The following CPLX2 variants were observed in gnomAD, a reference collection of about 807,000 sequenced individuals.
The protein encoded by CPLX2 is complexin-2.
Under a neutral mutation model 16.3 loss-of-function variants are expected in CPLX2, and 5 were observed. The observed-to-expected ratio is 0.31, with a 90% CI of 0.16 to 0.64. The LOEUF (loss-of-function observed/expected upper bound fraction) is 0.64, where lower values mean the gene tolerates loss of function less well. CPLX2 is among the 30% of genes least tolerant of loss of function. The pLI is 0.79. For missense variants in CPLX2, 144 were observed against 181.4 expected (o/e 0.79, Z 1.18); for synonymous variants, 89 against 73.2 (o/e 1.22, Z -1.10).
At chr5:175,807,606 T>C (rs1758232244) in intron 1 of CPLX2, among the ~76,000 whole-genome samples, 1 of 152,240 alleles carries the variant, frequency 6.6e-6, no homozygotes, top group East Asian at 1.9e-4. Context: ...GTCAGCTCCC[T>C]GAGAGCAGGG....
intron 2 of CPLX2, chr5:175,861,888 G>C (rs956680610): frequency 2.0e-5 from 3 of 152,224 alleles, no homozygotes; most frequent in Admixed American, 6.5e-5. Context: ...CTGAGTAACA[G>C]TCATAAAGGA....
At chr5:175,802,736 G>A (rs1758122761) in intron 1 of CPLX2, among the ~76,000 whole-genome samples, 2 of 152,196 alleles carry the variant, frequency 1.3e-5, no homozygotes, top group African/African-American at 4.8e-5. Flanking sequence ...ATAAAATGGG[G>A]GTAATACCGC....
In CPLX2 at chr5:175,881,556, G is replaced by C. The variant is rs554341701; in HGVS notation, c.*1511G>C. The C allele has an allele frequency of 6.5e-6, 1 of 153,148 alleles. No individual in the cohort carries two copies. Among genetic ancestry groups the C allele is most frequent in the African/African-American group, 2.4e-5 (1 of 41,584 alleles). The allele number at this position is 153,148 out of a possible 1,614,324, so 9.5% of individuals were successfully genotyped here. A position where few individuals can be genotyped will look rare whatever the true frequency, so the allele number is the denominator to read the frequency against. On this transcript the variant is annotated 3_prime_UTR_variant, in exon 4 of 4. Transcript: ENST00000393745. ...TTGAGAGAATTCAGAGACATTTGAA[G>C]GCTGCTGTGTGCATGTTTGGGGGTC...
upstream of CPLX2, among the ~76,000 whole-genome samples, chr5:175,867,159 G>T (rs1040434007): frequency 1.3e-5 from 2 of 152,116 alleles, no homozygotes; most frequent in African/African-American, 4.8e-5. Flanking sequence ...GATTAATCAG[G>T]GTGCCTCTAG....
rs139108719 is a variant in CPLX2, at chr5:175,821,867, A to C, written c.-89+12799A>C. Among the ~76,000 whole-genome samples, 258 of 152,352 alleles carry C rather than the reference A, an allele frequency of 1.7e-3. 2 individuals carry two copies. Among genetic ancestry groups the C allele is most frequent in the Admixed American group, 3.0e-3 (46 of 15,304 alleles). On this transcript the variant is annotated intron_variant, in intron 2 of 4. Transcript: ENST00000359546. Reference sequence around the variant, plus strand: ...TCCCTGCAAGAGAGATGAGTCATGTACCTAAATAAGTGAAATGGGGAGGCT... The same window carrying C: ...TCCCTGCAAGAGAGATGAGTCATGTCCCTAAATAAGTGAAATGGGGAGGCT...
At chr5:175,799,516 C>A (rs1051149824) in intron 1 of CPLX2, among the ~76,000 whole-genome samples, 17 of 135,072 alleles carry the variant, frequency 1.3e-4, no homozygotes, top group Non-Finnish European at 2.3e-4. Context: ...TGGTCTTGAT[C>A]TTTGAGATCC....
intron 2 of CPLX2, among the ~76,000 whole-genome samples, chr5:175,864,864 A>T (rs1440068709): frequency 6.6e-6 from 1 of 152,202 alleles, no homozygotes; most frequent in Admixed American, 6.5e-5. Context: ...ATACCTAAAA[A>T]AGAATACTTA....
At chr5:175,827,971 A>C (rs1758650629) in intron 2 of CPLX2, among the ~76,000 whole-genome samples, 2 of 152,190 alleles carry the variant, frequency 1.3e-5, no homozygotes, top group Admixed American at 1.3e-4. Flanking sequence ...TTTTAGGTAT[A>C]ACTCCTGGAT....
At chr5:175,854,562 G>C (rs867604436) in intron 2 of CPLX2, among the ~76,000 whole-genome samples, 1 of 152,188 alleles carries the variant, frequency 6.6e-6, no homozygotes, top group East Asian at 1.9e-4. Context: ...TGCCTGGCAG[G>C]TGGTGAGCAC....
At position 175,799,951 on chromosome 5, in the gene CPLX2, C is replaced by A. The variant is rs189025169; in HGVS notation, c.-169+3167C>A. On this transcript the variant is annotated intron_variant, in intron 1 of 4. Transcript: ENST00000359546. ...AGCAAAAGGCTGCACAGTCAGAAGC[C>A]CAGATCTCATTTTTGTGGATTTTTG... 4.7e-3 allele frequency among the ~76,000 whole-genome samples: 718 copies of A among 152,180 alleles called. 5 individuals carry two copies. Among genetic ancestry groups the A allele is most frequent in the South Asian group, 0.026 (123 of 4,812 alleles).
intron 1 of CPLX2, among the ~76,000 whole-genome samples, chr5:175,807,186 A>T (rs1410765361): frequency 6.6e-6 from 1 of 152,256 alleles, no homozygotes; most frequent in East Asian, 1.9e-4. Context: ...ATTCTAAGTC[A>T]TAATAATTCT....
chr5:175,868,631 G>A (rs1759522092), upstream of CPLX2, among the ~76,000 whole-genome samples: 1 of 152,008 alleles, frequency 6.6e-6, no homozygotes, highest in East Asian at 1.9e-4. Context: ...AGATGCAGGA[G>A]ATGAAGGAAA....
At chr5:175,839,490 G>T (rs545590827) in intron 2 of CPLX2, among the ~76,000 whole-genome samples, 1 of 152,186 alleles carries the variant, frequency 6.6e-6, no homozygotes, top group African/African-American at 2.4e-5. Context: ...TCACCATGTT[G>T]GCCAGGCTGG....
At chr5:175,839,389 G>A (rs964761682) in intron 2 of CPLX2, among the ~76,000 whole-genome samples, 5 of 152,122 alleles carry the variant, frequency 3.3e-5, no homozygotes, top group East Asian at 1.9e-4. Flanking sequence ...AGGTTCAAGC[G>A]ATTCTCCTGC....
upstream of CPLX2, among the ~76,000 whole-genome samples, chr5:175,868,511 C>G (rs918805414): frequency 2.0e-5 from 3 of 152,132 alleles, no homozygotes; most frequent in Non-Finnish European, 2.9e-5. Context: ...GGATAAGTCA[C>G]CTGAAGCAGA....
At chr5:175,801,161 TAA>T (rs3051187) in intron 1 of CPLX2, among the ~76,000 whole-genome samples, 39 of 140,966 alleles carry the variant, frequency 2.8e-4, no homozygotes, top group African/African-American at 8.0e-4. Context: ...AGAGGAGTGT[TAA>T]AAAAAAAAAA....
chr5:175,864,987 A>G (rs1759445391), intron 2 of CPLX2, among the ~76,000 whole-genome samples: 1 of 152,074 alleles, frequency 6.6e-6, no homozygotes, highest in East Asian at 1.9e-4. Flanking sequence ...AGATGACCAG[A>G]AATTTCTCTC....
At chr5:175,877,133 C>T (rs890996461) in intron 1 of CPLX2, among the ~76,000 whole-genome samples, 2 of 152,150 alleles carry the variant, frequency 1.3e-5, no homozygotes, top group Non-Finnish European at 2.9e-5. Context: ...TGAAGCTTGC[C>T]CAGGGACCCC....
intron 1 of CPLX2, among the ~76,000 whole-genome samples, chr5:175,875,790 TG>T (rs1759742943): frequency 6.6e-6 from 1 of 152,086 alleles, no homozygotes; most frequent in African/African-American, 2.4e-5. Context: ...AGGTCCATGC[TG>T]GGATCAGGCA....
Sources: gnomAD v4.1 joint callset for allele counts (sites outside exome capture counted in the v4.1 genomes callset) on GRCh38, gnomAD v4.1.1 for gene constraint, MANE v1.5 for transcripts, NCBI Gene and HGNC (gene_info 2026-07-23, HGNC 2026-07-21) for gene names.